Variants in SLC2A5 observed in about 807,000 individuals in gnomAD.
SLC2A5 encodes the protein solute carrier family 2 member 5.
A neutral mutation model predicts 50.3 loss-of-function variants in SLC2A5; 56 were observed. The ratio of observed to expected loss-of-function variants is 1.11; its 90% CI spans 0.90 to 1.39. The LOEUF (loss-of-function observed/expected upper bound fraction) is 1.39. Among genes scored for constraint, SLC2A5 ranks in the 40% most tolerant of loss-of-function variants. The pLI is 0.00. For synonymous variants in SLC2A5, 269 were observed against 281.9 expected (o/e 0.95, Z 0.46); for missense variants, 566 against 650.1 (o/e 0.87, Z 1.41).
At chr1:9,053,319 T>TTA (rs1557670306) in intron 3 of SLC2A5, among the ~76,000 whole-genome samples, 918 of 7,654 alleles carry the variant, frequency 0.12, 181 homozygotes, top group Non-Finnish European at 0.16. Context: ...TATATTGTAT[T>TTA]TATATATTAT....
In SLC2A5 at chr1:9,039,759, C is replaced by G. The variant is rs995408895; in HGVS notation, c.885+41G>C. ...CCCCAGGACCTGCGCCCCGCGCCCC[C>G]CGAGCCCTCCCCAGCTCCCGAGCCG... On this transcript the variant is annotated intron_variant, in intron 7 of 11. Coordinates refer to ENST00000377424, the MANE Select transcript of SLC2A5 (RefSeq NM_003039.3). 8 of 1,454,936 alleles carry G rather than the reference C, an allele frequency of 5.5e-6. No individual in the cohort carries two copies. The East Asian group carries it at 8.4e-5, about 15-fold the overall frequency. The allele number at this position is 1,454,936 out of a possible 1,614,324, so 90.1% of individuals were successfully genotyped here. A position where few individuals can be genotyped will look rare whatever the true frequency, so the allele number is the denominator to read the frequency against.
At chr1:9,080,599 C>G (rs111517105) in intron 2 of SLC2A5, among the ~76,000 whole-genome samples, 1,826 of 152,268 alleles carry the variant, frequency 0.012, 42 homozygotes, top group African/African-American at 0.041. Context: ...CGTTGAGCAT[C>G]TTTTCACATT....
chr1:9,090,639 A>T (rs115979266), upstream of SLC2A5, among the ~76,000 whole-genome samples: 3,268 of 152,300 alleles, frequency 0.021, 109 homozygotes, highest in African/African-American at 0.073. Flanking sequence ...CTTCTCTGTA[A>T]TAAGCCTTAA....
upstream of SLC2A5, among the ~76,000 whole-genome samples, chr1:9,093,224 A>ACCAGATC (rs1340589187): frequency 6.6e-6 from 1 of 151,976 alleles, no homozygotes; most frequent in African/African-American, 2.4e-5. Flanking sequence ...CTCACACCTA[A>ACCAGATC]ATGGAAGGGA....
At position 9,039,844 on chromosome 1, in the gene SLC2A5, T is replaced by C. The variant is rs978115347; in HGVS notation, c.841A>G (p.Ile281Val). ...MRSLRWQLLS[I>V]IVLMGGQQLS... ...TGCTGGCCGCCCATGAGGACGATGA[T>C]GGACAGCAGCTGCCAGCGCAGCGAG... is the stretch of plus-strand genomic sequence containing the variant. The change falls in exon 7 of 12, where the codon ATC (isoleucine) becomes GTC (valine). Residue 281 changes from isoleucine to valine, a missense_variant. By Grantham distance (29) the Ile-to-Val change is conservative. Coordinates refer to ENST00000377424, the MANE Select transcript of SLC2A5 (RefSeq NM_003039.3). 3 of 1,609,898 alleles carry C rather than the reference T, an allele frequency of 1.9e-6. No individual in the cohort carries two copies. The African/African-American group carries it at 4.0e-5, about 22-fold the overall frequency.
rs373430097 is a variant in SLC2A5, at chr1:9,057,624, A to T, written c.133-16T>A. 6.2e-7 allele frequency: 1 copy of T among 1,606,510 alleles called. No homozygotes were observed. Among genetic ancestry groups the T allele is most frequent in the Non-Finnish European group, 8.5e-7 (1 of 1,176,458 alleles). On this transcript the variant is annotated splice_polypyrimidine_tract_variant and intron_variant, in intron 2 of 11. Coordinates refer to ENST00000377424, the MANE Select transcript of SLC2A5 (RefSeq NM_003039.3). ...GTTGCATGAGCTAGGAGACAAAGCA[A>T]AACAGAACACCAAAATAATTTGATC...
At chr1:9,043,511 G>T (rs960899066) in intron 4 of SLC2A5, among the ~76,000 whole-genome samples, 55 of 152,194 alleles carry the variant, frequency 3.6e-4, no homozygotes, top group African/African-American at 1.3e-3. Flanking sequence ...GAGCTGAAGT[G>T]GGAGGCTGTG....
intron 2 of SLC2A5, among the ~76,000 whole-genome samples, chr1:9,084,351 T>A (rs1642383856): frequency 6.6e-6 from 1 of 152,194 alleles, no homozygotes; most frequent in South Asian, 2.1e-4. Context: ...AACTCTCTCT[T>A]GAGTAGGCCC....
At chr1:9,091,909 G>A (rs914100625), upstream of SLC2A5, among the ~76,000 whole-genome samples, 10 of 151,936 alleles carry the variant, frequency 6.6e-5, no homozygotes, top group Non-Finnish European at 1.3e-4. Context: ...GCCCTAATAA[G>A]AGCACTAGCT....
At chr1:9,092,172 TA>T (rs757611196), upstream of SLC2A5, among the ~76,000 whole-genome samples, 2 of 152,098 alleles carry the variant, frequency 1.3e-5, no homozygotes, top group South Asian at 2.1e-4. Flanking sequence ...CTGACTTGGG[TA>T]AAACATGCCT....
At chr1:9,048,550 TG>T (rs1641492978) in intron 3 of SLC2A5, among the ~76,000 whole-genome samples, 1 of 152,116 alleles carries the variant, frequency 6.6e-6, no homozygotes, top group Non-Finnish European at 1.5e-5. Flanking sequence ...AACATTATAT[TG>T]GGGGAAAACA....
chr1:9,041,477 T>A (rs1380752821), intron 5 of SLC2A5: 1 of 1,308,428 alleles, frequency 7.6e-7, no homozygotes, highest in African/African-American at 1.5e-5. Context: ...CTGGTGGCTG[T>A]CATTGCTATG....
chr1:9,064,626 C>G (rs1349182096), intron 1 of SLC2A5, among the ~76,000 whole-genome samples: 1 of 152,172 alleles, frequency 6.6e-6, no homozygotes, highest in African/African-American at 2.4e-5. Context: ...AATACAGCAG[C>G]AGTCACATCT....
At chr1:9,050,620 A>G (rs529495420) in intron 3 of SLC2A5, among the ~76,000 whole-genome samples, 1 of 152,278 alleles carries the variant, frequency 6.6e-6, no homozygotes, top group East Asian at 1.9e-4. Context: ...CTCCTAGAAG[A>G]TAGCTTAGGA....
At chr1:9,053,094 A>ATATTTATATATAATATATATTATT (rs1641626406) in intron 3 of SLC2A5, among the ~76,000 whole-genome samples, 1 of 114,646 alleles carries the variant, frequency 8.7e-6, no homozygotes, top group African/African-American at 3.4e-5. Context: ...TATATAATAT[A>ATATTTATATATAATATATATTATT]TATTTATATA....
chr1:9,062,400 G>A (rs943330664), intron 1 of SLC2A5, among the ~76,000 whole-genome samples: 2 of 152,154 alleles, frequency 1.3e-5, no homozygotes, highest in African/African-American at 2.4e-5. Context: ...TGAGGCAGGC[G>A]GAGCTCAGAA....
upstream of SLC2A5, among the ~76,000 whole-genome samples, chr1:9,090,090 C>G (rs1346729046): frequency 6.6e-6 from 1 of 152,078 alleles, no homozygotes; most frequent in East Asian, 1.9e-4. Context: ...AGGGAGTCAC[C>G]CTCACTCTTT....
At chr1:9,082,864 G>A (rs983760131) in intron 2 of SLC2A5, 4 of 329,870 alleles carry the variant, frequency 1.2e-5, no homozygotes, top group South Asian at 2.5e-5. Flanking sequence ...GATCATGTAT[G>A]GTACTGCAAA....
chr1:9,066,382 C>T (rs543529863), intron 1 of SLC2A5, among the ~76,000 whole-genome samples: 3 of 152,126 alleles, frequency 2.0e-5, no homozygotes, highest in East Asian at 3.9e-4. Flanking sequence ...ACTATAGGCA[C>T]GGTCCCCATG....
Sources: gnomAD v4.1 joint callset for allele counts (sites outside exome capture counted in the v4.1 genomes callset) on GRCh38, gnomAD v4.1.1 for gene constraint, MANE v1.5 for transcripts, NCBI Gene and HGNC (gene_info 2026-07-23, HGNC 2026-07-21) for gene names.